Variants in FAM120C observed in about 807,000 individuals in gnomAD.
FAM120C encodes family with sequence similarity 120 member C, also known as constitutive coactivator of PPAR-gamma-like protein 2.
FAM120C carries 14 observed loss-of-function variants against 71.2 expected under a neutral mutation model. The observed-to-expected ratio is 0.20, with a 90% CI of 0.13 to 0.31. FAM120C has a LOEUF of 0.31. Ranked by LOEUF, FAM120C falls within the 10% of genes least tolerant of loss-of-function variation. The pLI is 1.00. For missense variants in FAM120C, 500 were observed against 879.0 expected, an observed-to-expected ratio of 0.57 and a Z score of 5.45; for synonymous variants, 354 against 353.2, an observed-to-expected ratio of 1.00 and a Z score of -0.03.
At chrX:54,142,250 G>A (rs893695220) in intron 4 of FAM120C, among the ~76,000 whole-genome samples, 3 of 111,592 alleles carry the variant, frequency 2.7e-5, no homozygotes, top group African/African-American at 9.8e-5. Flanking sequence ...AGTGGGTGCT[G>A]GGTGCAGCCC....
chrX:54,157,681 A>C lies in FAM120C; in HGVS notation c.1029+8T>G. On this transcript the variant is annotated splice_region_variant and intron_variant, in intron 3 of 15. Coordinates refer to ENST00000375180, the MANE Select transcript of FAM120C (RefSeq NM_017848.6). ...TAATCTGTATAGGCAAGAAATAGGAAACATTACCTTAAGTGATGCAAGAGG... is the reference window on the plus strand; with the variant it reads ...TAATCTGTATAGGCAAGAAATAGGACACATTACCTTAAGTGATGCAAGAGG... The C allele has an allele frequency of 8.4e-7, 1 of 1,192,466 alleles. No homozygotes were observed. The highest frequency in any genetic ancestry group is 1.1e-6 in the Non-Finnish European group (1 of 878,626).
At chrX:54,165,733 C>T (rs1181383453) in intron 1 of FAM120C, among the ~76,000 whole-genome samples, 13 of 109,647 alleles carry the variant, frequency 1.2e-4, no homozygotes, top group African/African-American at 3.7e-4. Context: ...GCCAAGACCG[C>T]GCCACTGCAC....
At chrX:54,151,216 G>A in intron 4 of FAM120C, 29 bp downstream of exon 4, 2 of 1,206,666 alleles carry the variant, frequency 1.7e-6, no homozygotes, top group South Asian at 1.8e-5. Flanking sequence ...GAAAACGGAG[G>A]ACTCTTAGGA....
intron 6 of FAM120C, among the ~76,000 whole-genome samples, 180 bp from the exon 7 acceptor site, chrX:54,135,291 C>T (rs782776367): frequency 8.9e-6 from 1 of 111,834 alleles, no homozygotes; most frequent in Non-Finnish European, 1.9e-5. Flanking sequence ...GGACAATGAA[C>T]AGTTGAAGTC....
intron 1 of FAM120C, among the ~76,000 whole-genome samples, chrX:54,176,743 T>C (rs1488151877): frequency 8.9e-6 from 1 of 112,195 alleles, no homozygotes. Context: ...TAAAGCCCTC[T>C]GTAGTGATTC....
At chrX:54,101,902 G>T (rs1179023794) in intron 10 of FAM120C, among the ~76,000 whole-genome samples, 15 of 111,755 alleles carry the variant, frequency 1.3e-4, no homozygotes, top group Non-Finnish European at 2.4e-4. Context: ...GCCTTCACTA[G>T]AATCTTGGTG....
At chrX:54,131,654 TC>T (rs1297453394) in intron 9 of FAM120C, among the ~76,000 whole-genome samples, 4 of 111,879 alleles carry the variant, frequency 3.6e-5, no homozygotes, top group African/African-American at 1.3e-4. Context: ...GTCAGGCTGG[TC>T]TCGAACTCCT....
At chrX:54,081,598 C>A in intron 13 of FAM120C, 138 bp from the exon 14 acceptor site, 1 of 601,207 alleles carries the variant, frequency 1.7e-6, no homozygotes, top group South Asian at 3.4e-5. Flanking sequence ...CATGGTGAAA[C>A]CCTGTCTCTA....
chrX:54,087,910 C>T lies in FAM120C; in HGVS notation c.2482G>A (p.Val828Ile). 1 of 1,211,969 alleles carries T rather than the reference C, an allele frequency of 8.3e-7. No individual in the cohort carries two copies. The highest frequency in any genetic ancestry group is 1.1e-6 in the Non-Finnish European group (1 of 895,551). Residue 828 changes from valine to isoleucine, a missense_variant, in exon 12 of 16, where the codon GTC (valine) becomes ATC (isoleucine). Coordinates refer to ENST00000375180, the MANE Select transcript of FAM120C (RefSeq NM_017848.6). ...IQLAALFMSG[V>I]DTALFANDAC... ...TCATTAGCAAACAGAGCTGTGTCGA[C>T]TCCACTCATGAAGAGGGCAGCAAGC...
rs1244466092 is a variant in FAM120C at position 54,070,680 on chromosome X, C to T, written c.*2353G>A. 1.8e-5 allele frequency: 2 copies of T among 111,620 alleles called. No individual in the cohort carries two copies. The highest frequency in any genetic ancestry group is 3.8e-5 in the Non-Finnish European group (2 of 53,164). 9.2% of individuals were successfully genotyped at this position (111,620 alleles called of 1,213,427 possible). Reference sequence around the variant, plus strand: ...GGATATAGAAGTCCTACCTTCAAGACGTTGTGAAAGGTTGGGCAGGTCCAA... The same window carrying T: ...GGATATAGAAGTCCTACCTTCAAGATGTTGTGAAAGGTTGGGCAGGTCCAA... On this transcript the variant is annotated 3_prime_UTR_variant, in exon 16 of 16. Transcript: ENST00000375180.
At chrX:54,179,949 G>A (rs2067338968) in intron 1 of FAM120C, among the ~76,000 whole-genome samples, 1 of 111,967 alleles carries the variant, frequency 8.9e-6, no homozygotes, top group African/African-American at 3.2e-5. Flanking sequence ...GCAAAGTTGA[G>A]ATAATTTTAC....
chrX:54,072,924 C>A lies in FAM120C; in HGVS notation c.*109G>T. ...ACACAATAGGACATCCCACCAAAAT[C>A]CTGGAGAAATCTAGGGTAAGCATTT... On this transcript the variant is annotated 3_prime_UTR_variant, in exon 16 of 16. Transcript: ENST00000375180. The A allele has an allele frequency of 2.0e-6, 2 of 996,039 alleles. No individual in the cohort carries two copies. The allele number at this position is 996,039 out of a possible 1,213,427, so 82.1% of individuals were successfully genotyped here.
intron 9 of FAM120C, among the ~76,000 whole-genome samples, chrX:54,129,619 G>A (rs1271873418): frequency 9.0e-6 from 1 of 111,537 alleles, no homozygotes; most frequent in Non-Finnish European, 1.9e-5. Context: ...AGACGGGGTG[G>A]TGGCCAGGCA....
At chrX:54,104,588 G>T (rs1407232903) in intron 10 of FAM120C, among the ~76,000 whole-genome samples, 1 of 110,980 alleles carries the variant, frequency 9.0e-6, no homozygotes, top group Non-Finnish European at 1.9e-5. Context: ...CGGGCAGATC[G>T]CCTGAGGTCA....
chrX:54,097,524 C>T (rs1328058416), intron 10 of FAM120C, among the ~76,000 whole-genome samples: 2 of 111,677 alleles, frequency 1.8e-5, no homozygotes, highest in African/African-American at 6.5e-5. Context: ...TGTCATTTAC[C>T]CATCTGTGCT....
At chrX:54,155,722 A>G (rs1484785130) in intron 3 of FAM120C, among the ~76,000 whole-genome samples, 2 of 111,405 alleles carry the variant, frequency 1.8e-5, no homozygotes, top group Non-Finnish European at 3.8e-5. Context: ...ACAATCTGGA[A>G]AGAGCCAATG....
chrX:54,173,894 G>A (rs1486641890), intron 1 of FAM120C: 5 of 353,971 alleles, frequency 1.4e-5, no homozygotes, highest in Middle Eastern at 1.5e-3. Flanking sequence ...GGCTTAGCTG[G>A]GTCCTCTGGC....
chrX:54,168,018 C>T (rs1181290069), intron 1 of FAM120C, among the ~76,000 whole-genome samples: 2 of 109,948 alleles, frequency 1.8e-5, no homozygotes, highest in African/African-American at 6.6e-5. Flanking sequence ...TCTGAGAAGA[C>T]GTGTCTCATT....
At position 54,151,255 on chromosome X, in the gene FAM120C, T is replaced by C. The variant is rs1557132961; in HGVS notation, c.1148A>G (p.Lys383Arg). 4 of 1,211,005 alleles carry C rather than the reference T, an allele frequency of 3.3e-6. No individual in the cohort carries two copies. In the South Asian group the frequency reaches 5.3e-5, roughly 16 times the overall value. Residue 383 changes from lysine to arginine, a missense_variant, in exon 4 of 16, where the codon AAA becomes AGA. Physicochemically the swap from Lys to Arg is conservative, Grantham distance 26 (BLOSUM62 2). Coordinates refer to ENST00000375180, the MANE Select transcript of FAM120C (RefSeq NM_017848.6). ...GGAATGCTAACTTACCTGAGACTGT[T>C]TGAAAACATCCTTCCCAACTACATC... ...NLDVVGKDVF[K>R]QSQSRTEDKI...
Sources: gnomAD v4.1 joint callset for allele counts (sites outside exome capture counted in the v4.1 genomes callset) on GRCh38, gnomAD v4.1.1 for gene constraint, MANE v1.5 for transcripts, NCBI Gene and HGNC (gene_info 2026-07-23, HGNC 2026-07-21) for gene names.